The following SNED1 variants were observed in gnomAD, a reference collection of about 807,000 sequenced individuals.
SNED1 encodes the protein sushi, nidogen and EGF like domains 1, also known as sushi, nidogen and EGF-like domain-containing protein 1.
In SNED1, 81 loss-of-function variants were observed where a neutral mutation model predicts 166.7. The ratio of observed to expected loss-of-function variants is 0.49; its 90% CI spans 0.41 to 0.58. SNED1 has a LOEUF of 0.58. SNED1 is among the 20% of genes least tolerant of loss of function. The probability of loss-of-function intolerance (pLI) is 0.00; values close to 1 mark genes in which losing one functional copy is unlikely to be tolerated. For synonymous variants in SNED1, 762 were observed against 822.0 expected, an observed-to-expected ratio of 0.93 and a Z score of 1.25; for missense variants, 1,604 against 2,000.2, an observed-to-expected ratio of 0.80 and a Z score of 3.78.
intron 2 of SNED1, chr2:241,033,508 A>G: frequency 1.9e-6 from 1 of 516,508 alleles, no homozygotes. Context: ...CACCCCAGCA[A>G]TAGTTGTGGG....
Position 241,064,988 on chromosome 2 carries a change from G to C in SNED1, c.2713+31G>C. On this transcript the variant is annotated intron_variant, in intron 20 of 31. Coordinates refer to ENST00000310397, the MANE Select transcript of SNED1 (RefSeq NM_001080437.3). The surrounding 1 kb of genome is among the most constrained non-coding windows in gnomAD (Gnocchi z 7.0). ...TGGCGAGGGCGCCTCCAGTGAGGGA[G>C]CCACGAGGGGGTCCCCTCTCCCTAG... 2 of 1,490,536 alleles carry C rather than the reference G, an allele frequency of 1.3e-6. No individual in the cohort carries two copies. The highest frequency in any genetic ancestry group is 1.8e-6 in the Non-Finnish European group (2 of 1,104,656). The allele number at this position is 1,490,536 out of a possible 1,614,324, so 92.3% of individuals were successfully genotyped here.
chr2:241,027,875 A>G (rs1043958122), intron 1 of SNED1, among the ~76,000 whole-genome samples: 2 of 151,894 alleles, frequency 1.3e-5, no homozygotes. Flanking sequence ...CTGGGACTAC[A>G]GGCACCCACC....
chr2:241,084,945 A>T (rs1166033815), intron 29 of SNED1, among the ~76,000 whole-genome samples: 2 of 152,138 alleles, frequency 1.3e-5, no homozygotes, highest in African/African-American at 4.8e-5. Context: ...AAAAGTTGTC[A>T]TGGCTTTGTC....
At chr2:241,070,278 CTGCAGGGGCCTGGGA>C in intron 24 of SNED1, 77 bp downstream of exon 24, 1 of 1,423,610 alleles carries the variant, frequency 7.0e-7, no homozygotes, top group East Asian at 2.5e-5. Flanking sequence ...TGACCTGGCC[CTGCAGGGGCCTGGGA>C]TGCCAGGCAG....
At chr2:241,042,791 A>T (rs886574239) in intron 8 of SNED1, among the ~76,000 whole-genome samples, 4 of 152,264 alleles carry the variant, frequency 2.6e-5, no homozygotes, top group African/African-American at 9.6e-5. Flanking sequence ...CTGAAGAGTG[A>T]AACAGAAACA....
In SNED1 at chr2:241,048,730, T is replaced by A. The variant is rs756692987; in HGVS notation, c.1468T>A (p.Cys490Ser). 1 of 1,612,850 alleles carries A rather than the reference T, an allele frequency of 6.2e-7. No homozygotes were observed. The highest frequency in any genetic ancestry group is 8.5e-7 in the Non-Finnish European group (1 of 1,179,558). The part of the protein sequence containing the change: ...CLGANTTLCQ[C>S]PLGFFGLLCE... ...GGGCGCCAACACCACCCTCTGCCAG[T>A]GCCCCCTGGGATTCTTTGGGCTTCT... Residue 490 changes from cysteine (C) to serine (S), a missense_variant, in exon 10 of 32, where the codon TGC becomes AGC. This residue lies in a region of SNED1 where 1,237 missense variants were observed against 1,620.8 expected (regional missense o/e 0.76). Coordinates refer to ENST00000310397, the MANE Select transcript of SNED1 (RefSeq NM_001080437.3).
chr2:241,060,890 G>A (rs982732995), intron 16 of SNED1, among the ~76,000 whole-genome samples: 10 of 152,016 alleles, frequency 6.6e-5, no homozygotes, highest in Non-Finnish European at 1.5e-4. Flanking sequence ...TGATTGCACC[G>A]CTGCATTCCA....
At chr2:241,016,969 C>T (rs1330083434) in intron 1 of SNED1, among the ~76,000 whole-genome samples, 1 of 151,336 alleles carries the variant, frequency 6.6e-6, no homozygotes, top group African/African-American at 2.4e-5. Flanking sequence ...TCTCCTGCCT[C>T]AGCCTCCCGA....
Position 241,037,408 on chromosome 2 carries a change from GAC to G in SNED1, c.1045+59_1045+60del, listed in dbSNP as rs940367842. 1.2e-5 allele frequency: 14 copies of G among 1,184,500 alleles called. No individual in the cohort carries two copies. In the African/African-American group the frequency reaches 1.8e-4, roughly 15 times the overall value. 73.4% of individuals were successfully genotyped at this position (1,184,500 alleles called of 1,614,324 possible). A position where few individuals can be genotyped will look rare whatever the true frequency, so the allele number is the denominator to read the frequency against. On this transcript the variant is annotated intron_variant, in intron 6 of 31. Coordinates refer to ENST00000310397, the MANE Select transcript of SNED1 (RefSeq NM_001080437.3). ...CCCTGCTGGGGGCAGGATAGCGGGA[GAC>G]ACAGCTGGACAAGGCTGAGGTCTTG... is the stretch of plus-strand genomic sequence containing the variant.
At chr2:241,063,888 C>T in intron 18 of SNED1, 124 bp from the exon 19 acceptor site, 1 of 801,672 alleles carries the variant, frequency 1.2e-6, no homozygotes, top group South Asian at 1.7e-5. Flanking sequence ...GCGGGACCTG[C>T]CCACTGCCCC....
chr2:240,998,380 C>T (rs1442450460), upstream of SNED1, among the ~76,000 whole-genome samples: 1 of 152,220 alleles, frequency 6.6e-6, no homozygotes, highest in East Asian at 1.9e-4. Context: ...CAGGACGGCA[C>T]TGAGGGCCCA....
chr2:240,998,885 G>A lies in SNED1; in HGVS notation c.48G>A (p.Gly16=). ...CGCTGCTGGTGGCCGCGGCCCTGGG[G>A]CTTGGGGCGCGCGGGGTGCGCGGCG... ...AWALLVAAAL[G]LGARGVRGAV... The change falls in exon 1 of 32, where the codon GGG becomes GGA. Residue 16 remains glycine (G), a synonymous_variant. Coordinates refer to ENST00000310397, the MANE Select transcript of SNED1 (RefSeq NM_001080437.3). 8.2e-7 allele frequency: 1 copy of A among 1,223,520 alleles called. No homozygotes were observed. Among genetic ancestry groups the A allele is most frequent in the East Asian group, 3.5e-5 (1 of 28,544 alleles). 75.8% of individuals were successfully genotyped at this position (1,223,520 alleles called of 1,614,324 possible).
At chr2:241,078,382 C>CAA (rs60965517) in intron 27 of SNED1, among the ~76,000 whole-genome samples, 2,004 of 116,140 alleles carry the variant, frequency 0.017, 63 homozygotes, top group African/African-American at 0.065. Context: ...GACTCCGTCT[C>CAA]AAAAAAAAAA....
intron 1 of SNED1, among the ~76,000 whole-genome samples, chr2:241,016,229 C>G (rs1574876507): frequency 8.7e-6 from 1 of 114,462 alleles, no homozygotes. Context: ...GAGTCTTGCT[C>G]TGTCGCCCAG....
Position 241,064,210 on chromosome 2 carries a change from C to G in SNED1, c.2599+85C>G, listed in dbSNP as rs371277177. 1.1e-3 allele frequency: 1,003 copies of G among 946,664 alleles called. 9 individuals are homozygous for G. In the African/African-American group the frequency reaches 0.015, roughly 14 times the overall value. The allele number at this position is 946,664 out of a possible 1,614,324, so 58.6% of individuals were successfully genotyped here. ...CGCCTGCTGCCCGCCCTCTGCCCGC[C>G]TGCTCCCCGCCCTCTGCCCGCCTGC... is the stretch of plus-strand genomic sequence containing the variant. On this transcript the variant is annotated intron_variant, in intron 19 of 31. Transcript: ENST00000310397. The surrounding 1 kb of genome is among the most constrained non-coding windows in gnomAD (Gnocchi z 7.0).
chr2:241,026,009 C>CTTTTTTTTTTTTTTTTT lies in SNED1; in HGVS notation c.214-4267_214-4251dup, dbSNP rs71404676. On this transcript the variant is annotated intron_variant, in intron 1 of 31. Coordinates refer to ENST00000310397, the MANE Select transcript of SNED1 (RefSeq NM_001080437.3). Reference sequence around the variant, plus strand: ...TTGATGTGGCTTTGTTTTTCTTTTCCTTTTTTTTTTTTTTTTTTTTTTTTG... The same window carrying CTTTTTTTTTTTTTTTTT: ...TTGATGTGGCTTTGTTTTTCTTTTCCTTTTTTTTTTTTTTTTTTTTTTTTTTTTTTTTTTTTTTTTTG... 4.8e-4 allele frequency among the ~76,000 whole-genome samples: 35 copies of CTTTTTTTTTTTTTTTTT among 73,594 alleles called. 3 individuals carry two copies. Among genetic ancestry groups the CTTTTTTTTTTTTTTTTT allele is most frequent in the East Asian group, 2.1e-3 (4 of 1,922 alleles). 48.3% of individuals were successfully genotyped at this position (73,594 alleles called of 152,430 possible). A position where few individuals can be genotyped will look rare whatever the true frequency, so the allele number is the denominator to read the frequency against.
At chr2:241,072,748 A>T in intron 26 of SNED1, 1 of 192,420 alleles carries the variant, frequency 5.2e-6, no homozygotes, top group Admixed American at 5.3e-5. Flanking sequence ...TGGAGTACAG[A>T]GGGGGGCCCG....
rs566294529 is a variant in SNED1 at position 241,030,896 on chromosome 2, T to A, written c.501+325T>A. On this transcript the variant is annotated intron_variant, in intron 2 of 31. Coordinates refer to ENST00000310397, the MANE Select transcript of SNED1 (RefSeq NM_001080437.3). Reference sequence around the variant, plus strand: ...TAGACTGGAAGGTTATTCTGTTTTATACCCTTCCTTGATAATGCCAAACAT... The same window carrying A: ...TAGACTGGAAGGTTATTCTGTTTTAAACCCTTCCTTGATAATGCCAAACAT... 5.9e-5 allele frequency among the ~76,000 whole-genome samples: 9 copies of A among 152,346 alleles called. No homozygotes were observed. In the South Asian group the frequency reaches 1.9e-3, roughly 32 times the overall value.
chr2:241,012,346 C>T (rs753906749), intron 1 of SNED1, among the ~76,000 whole-genome samples: 2 of 152,178 alleles, frequency 1.3e-5, no homozygotes, highest in East Asian at 1.9e-4. Flanking sequence ...TCAAACGTAA[C>T]GCAAACCCTG....
Sources: allele counts gnomAD v4.1 joint callset (sites outside exome capture counted in the v4.1 genomes callset), GRCh38; gene constraint gnomAD v4.1.1; regional missense constraint gnomAD v4.1.1; non-coding constraint Gnocchi (gnomAD v3.1); transcripts MANE v1.5; gene names NCBI Gene and HGNC (gene_info 2026-07-23, HGNC 2026-07-21).